Variants in KLHL14 observed in about 807,000 individuals in gnomAD.
KLHL14 encodes kelch-like protein 14.
In KLHL14, 22 loss-of-function variants were observed where a neutral mutation model predicts 64.3. That is an observed-to-expected ratio of 0.34 (90% CI 0.24 to 0.49). The LOEUF is 0.49. Ranked by LOEUF, KLHL14 falls within the 20% of genes least tolerant of loss-of-function variation. KLHL14 has a pLI of 0.99. For missense variants in KLHL14, 661 were observed against 789.0 expected (o/e 0.84, Z 1.94); for synonymous variants, 322 against 333.4 (o/e 0.97, Z 0.37).
chr18:32,739,761 C>CTA (rs2050185913), intron 3 of KLHL14, among the ~76,000 whole-genome samples: 1 of 151,840 alleles, frequency 6.6e-6, no homozygotes, highest in Non-Finnish European at 1.5e-5. Flanking sequence ...ATTATTAAAT[C>CTA]TAACATGTGA....
At chr18:32,756,869 C>T (rs1174858147) in intron 2 of KLHL14, among the ~76,000 whole-genome samples, 4 of 152,174 alleles carry the variant, frequency 2.6e-5, no homozygotes, top group African/African-American at 9.7e-5. Context: ...CTTCTAAAGA[C>T]AAAAACATGT....
chr18:32,695,703 C>T (rs766207420), intron 3 of KLHL14, 151 bp from the exon 4 acceptor site: 19 of 617,486 alleles, frequency 3.1e-5, no homozygotes, highest in Non-Finnish European at 4.9e-5. Flanking sequence ...CCACTACTCA[C>T]CAATCCAGGG....
intron 2 of KLHL14, among the ~76,000 whole-genome samples, chr18:32,760,742 G>A (rs1403553454): frequency 6.6e-6 from 1 of 152,178 alleles, no homozygotes; most frequent in Non-Finnish European, 1.5e-5. Flanking sequence ...CTAAGCTTAA[G>A]TTTATGAGAT....
intron 1 of KLHL14, among the ~76,000 whole-genome samples, chr18:32,771,492 G>C (rs906232748): frequency 3.9e-5 from 6 of 152,142 alleles, no homozygotes; most frequent in Non-Finnish European, 8.8e-5. Flanking sequence ...AACCTGGCAG[G>C]AGAATCCTTC....
intron 3 of KLHL14, among the ~76,000 whole-genome samples, chr18:32,699,349 AT>A (rs1288074034): frequency 2.6e-4 from 40 of 152,296 alleles, no homozygotes; most frequent in Admixed American, 7.2e-4. Flanking sequence ...CTTGCTGTTC[AT>A]TTGTTCACAT....
intron 3 of KLHL14, among the ~76,000 whole-genome samples, chr18:32,726,559 G>A (rs1450004093): frequency 2.0e-5 from 3 of 152,058 alleles, no homozygotes; most frequent in African/African-American, 7.2e-5. Context: ...GGGAGGCAGA[G>A]GTTGCAGTGA....
At chr18:32,750,779 C>T (rs1011392719) in intron 2 of KLHL14, among the ~76,000 whole-genome samples, 1 of 152,152 alleles carries the variant, frequency 6.6e-6, no homozygotes, top group African/African-American at 2.4e-5. Flanking sequence ...CAGCTGGATT[C>T]AGCTGGGTTG....
Position 32,683,789 on chromosome 18 carries a change from A to G in KLHL14, c.1239-3190T>C, listed in dbSNP as rs2082135907. On this transcript the variant is annotated intron_variant, in intron 5 of 8. Transcript: ENST00000359358. This position sits in a 1 kb window ranked among gnomAD's most constrained non-coding sequence, Gnocchi z 4.2. ...CCTTGGAGTTGTCAGTTTATATCCT[A>G]AAGCATGAGATTGGATTACTATATC... 1.3e-5 allele frequency among the ~76,000 whole-genome samples: 2 copies of G among 152,212 alleles called. No homozygotes were observed. The highest frequency in any genetic ancestry group is 2.9e-5 in the Non-Finnish European group (2 of 68,040).
At chr18:32,759,168 G>A (rs938333828) in intron 2 of KLHL14, among the ~76,000 whole-genome samples, 3 of 152,158 alleles carry the variant, frequency 2.0e-5, no homozygotes, top group Non-Finnish European at 4.4e-5. Flanking sequence ...TTTTCTGATG[G>A]CATGAATAGA....
chr18:32,684,694 G>C (rs917158326), intron 5 of KLHL14, among the ~76,000 whole-genome samples: 5 of 125,858 alleles, frequency 4.0e-5, no homozygotes, highest in African/African-American at 1.5e-4. Context: ...AAGAGGGTAG[G>C]CGGGGAACTT....
intron 3 of KLHL14, among the ~76,000 whole-genome samples, chr18:32,712,556 T>C (rs1454382272): frequency 6.6e-6 from 1 of 152,212 alleles, no homozygotes; most frequent in Non-Finnish European, 1.5e-5. Flanking sequence ...TTTCCCCTCT[T>C]TATGAGATCT....
intron 5 of KLHL14, among the ~76,000 whole-genome samples, chr18:32,682,466 C>T (rs753954919): frequency 1.8e-4 from 28 of 152,140 alleles, no homozygotes; most frequent in South Asian, 6.2e-4. Context: ...CTGTGGGGTC[C>T]GTGAGCCTCT....
intron 3 of KLHL14, among the ~76,000 whole-genome samples, chr18:32,712,217 T>C (rs1257776278): frequency 1.3e-5 from 2 of 152,228 alleles, no homozygotes; most frequent in African/African-American, 4.8e-5. Flanking sequence ...AGAAAAAGTT[T>C]GCCCACCTTT....
intron 2 of KLHL14, among the ~76,000 whole-genome samples, chr18:32,763,686 G>A (rs1047615948): frequency 2.6e-5 from 4 of 152,174 alleles, no homozygotes; most frequent in Non-Finnish European, 4.4e-5. Flanking sequence ...GTATGTTTGC[G>A]TGTGTGTAAT....
chr18:32,688,865 A>G (rs933041034), intron 4 of KLHL14, among the ~76,000 whole-genome samples: 48 of 152,216 alleles, frequency 3.2e-4, no homozygotes, highest in Non-Finnish European at 1.0e-4. Flanking sequence ...TCAGGAGGCC[A>G]CTACAATCAT....
chr18:32,747,867 A>C (rs1297874981), intron 2 of KLHL14, among the ~76,000 whole-genome samples: 1 of 152,302 alleles, frequency 6.6e-6, no homozygotes, highest in South Asian at 2.1e-4. Flanking sequence ...TTCTAATTAA[A>C]ATATTTTAAA....
Position 32,677,350 on chromosome 18 carries a change from G to T in KLHL14, c.1589-20C>A. On this transcript the variant is annotated intron_variant, in intron 7 of 8. Transcript: ENST00000359358. Reference sequence around the variant, plus strand: ...AGAAACCTAAGTGACAGAACAAAGTGGAACAACAAAATGATAAATGCTCAG... The same window carrying T: ...AGAAACCTAAGTGACAGAACAAAGTTGAACAACAAAATGATAAATGCTCAG... 6.3e-7 allele frequency: 1 copy of T among 1,593,568 alleles called. No individual in the cohort carries two copies. The highest frequency in any genetic ancestry group is 1.3e-5 in the African/African-American group (1 of 74,466).
chr18:32,765,094 C>A (rs1227141326), intron 2 of KLHL14, among the ~76,000 whole-genome samples: 1 of 152,134 alleles, frequency 6.6e-6, no homozygotes, highest in Non-Finnish European at 1.5e-5. Flanking sequence ...TGGAGCAATG[C>A]TTAACTGCTC....
At chr18:32,737,666 G>A (rs779310934) in intron 3 of KLHL14, 6 of 152,106 alleles carry the variant, frequency 3.9e-5, no homozygotes, top group Non-Finnish European at 7.4e-5. Flanking sequence ...ACCAGACACA[G>A]GACCCCTCCT....
Sources: allele counts gnomAD v4.1 joint callset (sites outside exome capture counted in the v4.1 genomes callset), GRCh38; gene constraint gnomAD v4.1.1; non-coding constraint Gnocchi (gnomAD v3.1); transcripts MANE v1.5; gene names NCBI Gene and HGNC (gene_info 2026-07-23, HGNC 2026-07-21).